ESRRG: variants seen among roughly 807,000 people sequenced by gnomAD.
ESRRG encodes estrogen-related receptor gamma.
Under a neutral mutation model 44.0 loss-of-function variants are expected in ESRRG, and 13 were observed. That is an observed-to-expected ratio of 0.30 (90% CI 0.19 to 0.47). The LOEUF is 0.47. ESRRG is among the 20% of genes least tolerant of loss of function. The pLI, the probability that ESRRG is intolerant of heterozygous loss-of-function variation, is 1.00. For missense variants in ESRRG, 395 were observed against 580.6 expected (o/e 0.68, Z 3.29); for synonymous variants, 215 against 214.6 (o/e 1.00, Z -0.02).
chr1:216,763,101 A>G (rs1464649819), intron 2 of ESRRG, among the ~76,000 whole-genome samples: 1 of 152,160 alleles, frequency 6.6e-6, no homozygotes, highest in Non-Finnish European at 1.5e-5. Flanking sequence ...AGACAATTAT[A>G]TTGGGAAGCT....
chr1:216,699,125 G>C (rs1319033303), intron 1 of ESRRG, among the ~76,000 whole-genome samples: 1 of 152,144 alleles, frequency 6.6e-6, no homozygotes, highest in Non-Finnish European at 1.5e-5. Context: ...TTAAACTATA[G>C]AGCTACTAAA....
At chr1:216,849,477 T>C (rs2095808738) in intron 2 of ESRRG, among the ~76,000 whole-genome samples, 1 of 152,134 alleles carries the variant, frequency 6.6e-6, no homozygotes, top group Non-Finnish European at 1.5e-5. Flanking sequence ...CTTTTATATA[T>C]TTATTTATTT....
chr1:216,566,637 A>C (rs574819526), intron 4 of ESRRG, among the ~76,000 whole-genome samples: 2 of 152,322 alleles, frequency 1.3e-5, no homozygotes, highest in East Asian at 3.9e-4. Context: ...AGAAAAACTA[A>C]ACCTCTAATG....
intron 1 of ESRRG, among the ~76,000 whole-genome samples, chr1:216,702,740 G>T (rs906781389): frequency 2.8e-5 from 4 of 143,332 alleles, no homozygotes; most frequent in African/African-American, 5.3e-5. Context: ...TCACGCCACT[G>T]CACTCCAGCC....
intron 2 of ESRRG, among the ~76,000 whole-genome samples, chr1:216,857,839 G>C (rs2149062135): frequency 6.6e-6 from 1 of 151,292 alleles, no homozygotes; most frequent in South Asian, 2.1e-4. Context: ...ATAACATACA[G>C]AATATAAACA....
At chr1:217,029,613 G>A (rs1157392600) in intron 1 of ESRRG, among the ~76,000 whole-genome samples, 6 of 152,186 alleles carry the variant, frequency 3.9e-5, no homozygotes, top group Non-Finnish European at 5.9e-5. Flanking sequence ...CACTCTGCTA[G>A]ACCACACTTG....
intron 6 of ESRRG, among the ~76,000 whole-genome samples, chr1:216,513,904 T>C (rs535016634): frequency 1.3e-5 from 2 of 152,244 alleles, no homozygotes; most frequent in Middle Eastern, 3.4e-3. Flanking sequence ...CAAAACATCA[T>C]AGATGATCTG....
chr1:217,121,651 C>T (rs895836587), intron 1 of ESRRG, among the ~76,000 whole-genome samples: 2 of 152,314 alleles, frequency 1.3e-5, no homozygotes. Context: ...GTTCTCTGGA[C>T]ATCTGGGAGG....
At chr1:216,954,600 A>G (rs2067601969) in intron 1 of ESRRG, among the ~76,000 whole-genome samples, 1 of 152,196 alleles carries the variant, frequency 6.6e-6, no homozygotes, top group Non-Finnish European at 1.5e-5. Context: ...AATGAGTCAA[A>G]GATCATGCCT....
chr1:216,775,737 T>C (rs967846327), intron 2 of ESRRG, among the ~76,000 whole-genome samples: 3 of 151,718 alleles, frequency 2.0e-5, no homozygotes, highest in Admixed American at 2.0e-4. Flanking sequence ...TTTATTTTTG[T>C]ATTTTTTTGT....
chr1:216,752,091 C>T (rs2092074427), intron 2 of ESRRG, among the ~76,000 whole-genome samples: 1 of 152,104 alleles, frequency 6.6e-6, no homozygotes. Flanking sequence ...TCTAAGCTCA[C>T]TTGGCCTTTT....
intron 1 of ESRRG, among the ~76,000 whole-genome samples, chr1:217,040,702 G>GA (rs2083702383): frequency 6.6e-6 from 1 of 152,018 alleles, no homozygotes; most frequent in South Asian, 2.1e-4. Flanking sequence ...TTGATTATGA[G>GA]AAAACTGAAT....
chr1:216,573,696 T>G (rs1011959311), intron 3 of ESRRG, among the ~76,000 whole-genome samples: 2 of 151,758 alleles, frequency 1.3e-5, no homozygotes, highest in African/African-American at 4.8e-5. Flanking sequence ...CCCCCTCCCA[T>G]CACTAATAAT....
At chr1:216,664,578 C>A (rs2073387659) in intron 2 of ESRRG, among the ~76,000 whole-genome samples, 1 of 150,006 alleles carries the variant, frequency 6.7e-6, no homozygotes, top group Non-Finnish European at 1.5e-5. Context: ...ATGGATAAGC[C>A]TAAGGTGATA....
chr1:217,112,235 G>A (rs1171624772), intron 1 of ESRRG, among the ~76,000 whole-genome samples: 1 of 152,192 alleles, frequency 6.6e-6, no homozygotes, highest in African/African-American at 2.4e-5. Flanking sequence ...TTTGGGGTGA[G>A]TTTTCACATA....
At chr1:217,031,322 G>A (rs1242192503) in intron 1 of ESRRG, among the ~76,000 whole-genome samples, 1 of 152,140 alleles carries the variant, frequency 6.6e-6, no homozygotes, top group Non-Finnish European at 1.5e-5. Context: ...CACTGAGAGA[G>A]AATTCCCCTA....
chr1:216,881,451 C>G (rs1250901049), intron 2 of ESRRG, among the ~76,000 whole-genome samples: 1 of 152,076 alleles, frequency 6.6e-6, no homozygotes, highest in African/African-American at 2.4e-5. Context: ...CTCTGGTCCT[C>G]TTCTAATATT....
At chr1:216,655,053 T>A (rs2151116622) in intron 2 of ESRRG, among the ~76,000 whole-genome samples, 1 of 152,340 alleles carries the variant, frequency 6.6e-6, no homozygotes, top group African/African-American at 2.4e-5. Context: ...ATGAGAGTTT[T>A]AGATCACATT....
intron 2 of ESRRG, among the ~76,000 whole-genome samples, chr1:216,898,481 G>A (rs2149463401): frequency 6.6e-6 from 1 of 152,214 alleles, no homozygotes; most frequent in African/African-American, 2.4e-5. Flanking sequence ...AGCTGGGCGT[G>A]GTGGTGGGTG....
Sources: allele counts gnomAD v4.1 joint callset (sites outside exome capture counted in the v4.1 genomes callset), GRCh38; gene constraint gnomAD v4.1.1; transcripts MANE v1.5; gene names NCBI Gene and HGNC (gene_info 2026-07-23, HGNC 2026-07-21).